GRM8: variants seen among roughly 807,000 people sequenced by gnomAD.
GRM8 encodes the protein glutamate metabotropic receptor 8, also known as metabotropic glutamate receptor 8.
In GRM8, 47 loss-of-function variants were observed where a neutral mutation model predicts 87.2. The ratio of observed to expected loss-of-function variants is 0.54; its 90% confidence interval spans 0.43 to 0.69. The LOEUF (loss-of-function observed/expected upper bound fraction) is 0.69, where lower values mean the gene tolerates loss of function less well. GRM8 is among the 30% of genes least tolerant of loss of function. GRM8 has a pLI of 0.00. For synonymous variants in GRM8, 396 were observed against 404.5 expected (o/e 0.98, Z 0.25); for missense variants, 1,019 against 1,139.2 (o/e 0.89, Z 1.52).
At chr7:127,128,000 C>T (rs1396921529) in intron 2 of GRM8, among the ~76,000 whole-genome samples, 1 of 152,054 alleles carries the variant, frequency 6.6e-6, no homozygotes, top group Non-Finnish European at 1.5e-5. Flanking sequence ...CCACTGGCAC[C>T]TTTAGGCCTA....
chr7:127,026,437 A>G (rs1255480132), intron 3 of GRM8, among the ~76,000 whole-genome samples: 1 of 152,134 alleles, frequency 6.6e-6, no homozygotes, highest in East Asian at 1.9e-4. Context: ...GTCTTCCACA[A>G]TGGTTGAACT....
intron 2 of GRM8, among the ~76,000 whole-genome samples, chr7:127,206,790 TA>T (rs1189097103): frequency 6.6e-6 from 1 of 152,196 alleles, no homozygotes; most frequent in African/African-American, 2.4e-5. Context: ...GCAAAAACAC[TA>T]AAGAGATTGT....
At chr7:127,054,768 G>T (rs950403256) in intron 3 of GRM8, among the ~76,000 whole-genome samples, 1 of 152,150 alleles carries the variant, frequency 6.6e-6, no homozygotes, top group African/African-American at 2.4e-5. Context: ...AAAACACTGA[G>T]TGGGATAATA....
chr7:126,700,829 C>A (rs185097030), intron 7 of GRM8, among the ~76,000 whole-genome samples: 1 of 152,230 alleles, frequency 6.6e-6, no homozygotes, highest in East Asian at 1.9e-4. Context: ...TCTGAAACAA[C>A]AGAGGACATA....
At chr7:126,507,081 CG>C (rs1212747694) in intron 9 of GRM8, among the ~76,000 whole-genome samples, 3 of 150,582 alleles carry the variant, frequency 2.0e-5, no homozygotes, top group African/African-American at 4.9e-5. Context: ...TTTTACTTTC[CG>C]CAAGTAATTT....
At chr7:126,532,739 A>C in intron 9 of GRM8, among the ~76,000 whole-genome samples, 1 of 143,896 alleles carries the variant, frequency 6.9e-6, no homozygotes. Flanking sequence ...CACAAATTCA[A>C]AGCAATGTGA....
At chr7:126,978,808 T>C (rs17865062) in intron 3 of GRM8, among the ~76,000 whole-genome samples, 56 of 152,308 alleles carry the variant, frequency 3.7e-4, no homozygotes, top group African/African-American at 1.3e-3. Context: ...TGAAAACAAA[T>C]GGTTAGCCTA....
chr7:126,979,204 G>A (rs1314672446), intron 3 of GRM8, among the ~76,000 whole-genome samples: 1 of 152,086 alleles, frequency 6.6e-6, no homozygotes, highest in East Asian at 1.9e-4. Context: ...AGCCAATTTA[G>A]CACACTCCTG....
rs796623455 is a variant in GRM8, at chr7:126,669,732, C to T, written c.1358-60234G>A. 9.2e-5 allele frequency among the ~76,000 whole-genome samples: 14 copies of T among 152,250 alleles called. 1 individual carries two copies. The highest frequency in any genetic ancestry group is 3.4e-4 in the African/African-American group (14 of 41,552). ...TAAAGATAACAATTGCTGGGGTTAC[C>T]ATTATAACAGGTAATTGAGACTACT... is the stretch of plus-strand genomic sequence containing the variant. On this transcript the variant is annotated intron_variant, in intron 7 of 10. Coordinates refer to ENST00000339582, the MANE Select transcript of GRM8 (RefSeq NM_000845.3).
At chr7:126,768,934 A>T (rs1366012032) in intron 7 of GRM8, among the ~76,000 whole-genome samples, 1 of 149,400 alleles carries the variant, frequency 6.7e-6, no homozygotes. Context: ...ATGCAAAAAA[A>T]AAAAAAATAA....
chr7:126,613,688 G>T (rs573531623), intron 7 of GRM8, among the ~76,000 whole-genome samples: 24 of 152,194 alleles, frequency 1.6e-4, no homozygotes, highest in Non-Finnish European at 2.9e-4. Flanking sequence ...TTAATACTGC[G>T]CTTTTCCAAC....
rs565511100 is a variant in GRM8, at chr7:126,965,162, G to A, written c.728-60479C>T. Reference sequence around the variant, plus strand: ...TATCACATACCAGGTCCTGTCAGGCGGTTGGGGGGTCAGAGGAGGGATAGC... The same window carrying A: ...TATCACATACCAGGTCCTGTCAGGCAGTTGGGGGGTCAGAGGAGGGATAGC... On this transcript the variant is annotated intron_variant, in intron 3 of 10. Coordinates refer to ENST00000339582, the MANE Select transcript of GRM8 (RefSeq NM_000845.3). Among the ~76,000 whole-genome samples the A allele has an allele frequency of 1.7e-4, 26 of 152,160 alleles. No homozygotes were observed. In the East Asian group the frequency reaches 3.1e-3, roughly 18 times the overall value.
chr7:126,949,399 T>A (rs1807893795), intron 3 of GRM8, among the ~76,000 whole-genome samples: 1 of 152,224 alleles, frequency 6.6e-6, no homozygotes, highest in Admixed American at 6.5e-5. Context: ...AAATATCAGA[T>A]CTACCCTTGG....
intron 3 of GRM8, among the ~76,000 whole-genome samples, chr7:126,981,563 C>A (rs1445169110): frequency 6.6e-6 from 1 of 152,146 alleles, no homozygotes; most frequent in Admixed American, 6.6e-5. Context: ...ACCAGTTAAT[C>A]CATTAACTCA....
chr7:126,891,401 G>T (rs1800991804), intron 6 of GRM8, among the ~76,000 whole-genome samples: 1 of 151,942 alleles, frequency 6.6e-6, no homozygotes, highest in Non-Finnish European at 1.5e-5. Flanking sequence ...ATCTTTCTAA[G>T]ATGGTGATTC....
At chr7:126,623,572 C>T (rs916975927) in intron 7 of GRM8, among the ~76,000 whole-genome samples, 6 of 152,164 alleles carry the variant, frequency 3.9e-5, no homozygotes, top group Admixed American at 3.3e-4. Flanking sequence ...ACTGCTCCCT[C>T]GCTCCAACAC....
chr7:126,824,557 A>G (rs1275424901), intron 6 of GRM8, among the ~76,000 whole-genome samples: 1 of 152,168 alleles, frequency 6.6e-6, no homozygotes, highest in East Asian at 1.9e-4. Flanking sequence ...CAGTGTTGGT[A>G]TACTTATGTG....
chr7:127,051,268 C>T (rs1304455017), intron 3 of GRM8, among the ~76,000 whole-genome samples: 1 of 152,070 alleles, frequency 6.6e-6, no homozygotes, highest in Non-Finnish European at 1.5e-5. Flanking sequence ...TTAATAAGCC[C>T]TCCAGTTGAT....
intron 7 of GRM8, among the ~76,000 whole-genome samples, chr7:126,650,931 C>A (rs1324138161): frequency 6.6e-6 from 1 of 152,170 alleles, no homozygotes; most frequent in Non-Finnish European, 1.5e-5. Flanking sequence ...GCTACAGCCA[C>A]TGCTGAGTGC....
Sources: gnomAD v4.1 joint callset for allele counts (sites outside exome capture counted in the v4.1 genomes callset) on GRCh38, gnomAD v4.1.1 for gene constraint, MANE v1.5 for transcripts, NCBI Gene and HGNC (gene_info 2026-07-23, HGNC 2026-07-21) for gene names.